ABCC4: variants seen among roughly 807,000 people sequenced by gnomAD.
ABCC4 encodes ATP-binding cassette sub-family C member 4.
A neutral mutation model predicts 168.5 loss-of-function variants in ABCC4; 102 were observed. The observed-to-expected ratio is 0.61, with a 90% CI of 0.52 to 0.71. ABCC4 has a LOEUF of 0.71. Ranked by LOEUF, ABCC4 falls within the 30% of genes least tolerant of loss-of-function variation. ABCC4 has a pLI of 0.00. For synonymous variants in ABCC4, 617 were observed against 590.7 expected, an observed-to-expected ratio of 1.04 and a Z score of -0.65; for missense variants, 1,402 against 1,605.8, an observed-to-expected ratio of 0.87 and a Z score of 2.17.
chr13:95,174,402 T>C (rs369205930), intron 13 of ABCC4, among the ~76,000 whole-genome samples: 75 of 152,368 alleles, frequency 4.9e-4, no homozygotes, highest in Middle Eastern at 3.4e-3. Flanking sequence ...AATCCAATTT[T>C]CTAACTCGTT....
At chr13:95,036,943 G>A (rs553779004) in intron 29 of ABCC4, among the ~76,000 whole-genome samples, 2 of 151,980 alleles carry the variant, frequency 1.3e-5, no homozygotes, top group South Asian at 4.2e-4. Flanking sequence ...AATTAGCTGG[G>A]CATGGTGGTG....
At chr13:95,129,672 GA>G (rs1258925542) in intron 19 of ABCC4, among the ~76,000 whole-genome samples, 1 of 151,890 alleles carries the variant, frequency 6.6e-6, no homozygotes, top group Non-Finnish European at 1.5e-5. Flanking sequence ...AATGTTTCAT[GA>G]AAAAAAATTT....
chr13:95,040,573 C>T (rs2032313589), intron 29 of ABCC4, among the ~76,000 whole-genome samples: 1 of 152,152 alleles, frequency 6.6e-6, no homozygotes, highest in African/African-American at 2.4e-5. Context: ...AGTTCTTTGT[C>T]CCCCTGAACA....
intron 29 of ABCC4, among the ~76,000 whole-genome samples, chr13:95,035,887 T>C (rs1843225161): frequency 1.3e-5 from 2 of 152,184 alleles, no homozygotes; most frequent in African/African-American, 2.4e-5. Flanking sequence ...TTTTTCTACA[T>C]GTAGATATTG....
At chr13:95,033,238 A>C (rs922604545) in intron 30 of ABCC4, among the ~76,000 whole-genome samples, 2 of 152,170 alleles carry the variant, frequency 1.3e-5, no homozygotes, top group African/African-American at 4.8e-5. Context: ...CAAACAAGCA[A>C]TTTTATTCTA....
chr13:95,260,639 A>G (rs2040507147), intron 1 of ABCC4, among the ~76,000 whole-genome samples: 1 of 152,198 alleles, frequency 6.6e-6, no homozygotes, highest in South Asian at 2.1e-4. Flanking sequence ...ATGGAGCCAC[A>G]CAGCCAAGAC....
At chr13:95,273,911 G>A (rs1436051629) in intron 1 of ABCC4, among the ~76,000 whole-genome samples, 5 of 150,844 alleles carry the variant, frequency 3.3e-5, no homozygotes, top group Admixed American at 6.6e-5. Context: ...CGCCCCCCGG[G>A]GTTCACGCGA....
In ABCC4 at chr13:95,161,342, TAAAG is replaced by T; in HGVS notation, c.2309-11_2309-8del. 6.4e-7 allele frequency: 1 copy of T among 1,567,512 alleles called. No homozygotes were observed. Among genetic ancestry groups the T allele is most frequent in the Non-Finnish European group, 8.6e-7 (1 of 1,162,002 alleles). On this transcript the variant is annotated splice_region_variant and splice_polypyrimidine_tract_variant and intron_variant, in intron 18 of 30. Coordinates refer to ENST00000645237, the MANE Select transcript of ABCC4 (RefSeq NM_005845.5). ...ACGGTAGCTACAGTTAAACCTGAAA[TAAAG>T]AAATATCACTTAGAGAACACAGCAT...
At chr13:95,204,361 G>A (rs1399052886) in intron 8 of ABCC4, among the ~76,000 whole-genome samples, 6 of 152,174 alleles carry the variant, frequency 3.9e-5, no homozygotes, top group African/African-American at 9.7e-5. Flanking sequence ...GTCCCCACCC[G>A]AATCTCAGCT....
chr13:95,280,117 T>C (rs2041078907), intron 1 of ABCC4, among the ~76,000 whole-genome samples: 1 of 152,008 alleles, frequency 6.6e-6, no homozygotes, highest in African/African-American at 2.4e-5. Context: ...CTTCTCACAG[T>C]ATAACTATCC....
Position 95,139,579 on chromosome 13 carries a change from T to C in ABCC4, c.2455+21610A>G, listed in dbSNP as rs976672240. Among the ~76,000 whole-genome samples the C allele has an allele frequency of 2.0e-5, 3 of 152,164 alleles. No homozygotes were observed. In the South Asian group the frequency reaches 6.2e-4, roughly 32 times the overall value. On this transcript the variant is annotated intron_variant, in intron 19 of 30. Coordinates refer to ENST00000645237, the MANE Select transcript of ABCC4 (RefSeq NM_005845.5). ...CGTGAGTGCTCAGAAATAGCACGCA[T>C]ATGTATATGGTGCTACTTGGCCTCT...
At chr13:95,089,926 C>T (rs1358499749) in intron 20 of ABCC4, among the ~76,000 whole-genome samples, 2 of 150,606 alleles carry the variant, frequency 1.3e-5, no homozygotes, top group East Asian at 1.9e-4. Flanking sequence ...TCATGGCAGA[C>T]GAGAGGCAGG....
chr13:95,031,457 T>A (rs1428540260), intron 30 of ABCC4, among the ~76,000 whole-genome samples: 3 of 152,200 alleles, frequency 2.0e-5, no homozygotes, highest in African/African-American at 7.2e-5. Context: ...ACGGACCAGC[T>A]CTGTGTCCAC....
chr13:95,219,782 G>T, intron 4 of ABCC4, among the ~76,000 whole-genome samples: 1 of 152,092 alleles, frequency 6.6e-6, no homozygotes, highest in East Asian at 1.9e-4. Context: ...GCTTCTCAAA[G>T]TTCTAGGATT....
At chr13:95,216,014 T>C (rs1196133067) in intron 4 of ABCC4, among the ~76,000 whole-genome samples, 1 of 152,216 alleles carries the variant, frequency 6.6e-6, no homozygotes, top group African/African-American at 2.4e-5. Flanking sequence ...CCAGAATATA[T>C]AGACCAAGTC....
chr13:95,130,686 T>C (rs2035929101), intron 19 of ABCC4, among the ~76,000 whole-genome samples: 1 of 152,028 alleles, frequency 6.6e-6, no homozygotes, highest in Non-Finnish European at 1.5e-5. Context: ...ATAAAGTCAT[T>C]AAAAATAGAC....
intron 4 of ABCC4, among the ~76,000 whole-genome samples, chr13:95,233,911 A>G (rs1035764454): frequency 3.3e-5 from 5 of 152,232 alleles, no homozygotes; most frequent in African/African-American, 1.2e-4. Flanking sequence ...AAAACAATCA[A>G]CAATTCAAAG....
intron 30 of ABCC4, among the ~76,000 whole-genome samples, chr13:95,024,194 G>A (rs1593953715): frequency 7.7e-6 from 1 of 130,486 alleles, no homozygotes; most frequent in Non-Finnish European, 1.6e-5. Flanking sequence ...GTGACAGAGT[G>A]AGAGACTGTC....
chr13:95,239,814 C>CTACAGTATCAACTCAGTA (rs2039880943), intron 3 of ABCC4, among the ~76,000 whole-genome samples: 2 of 152,162 alleles, frequency 1.3e-5, no homozygotes, highest in African/African-American at 2.4e-5. Flanking sequence ...TATAGGTGTA[C>CTACAGTATCAACTCAGTA]TGTAACTCAG....
Sources: gnomAD v4.1 joint callset for allele counts (sites outside exome capture counted in the v4.1 genomes callset) on GRCh38, gnomAD v4.1.1 for gene constraint, MANE v1.5 for transcripts, NCBI Gene and HGNC (gene_info 2026-07-23, HGNC 2026-07-21) for gene names.